ERCC3: variants seen among roughly 807,000 people sequenced by gnomAD.
The protein encoded by ERCC3 is general transcription and DNA repair factor IIH helicase/translocase subunit XPB.
ERCC3 carries 66 observed loss-of-function variants against 94.2 expected under a neutral mutation model. The observed-to-expected ratio is 0.70, with a 90% CI of 0.57 to 0.86. The LOEUF (loss-of-function observed/expected upper bound fraction) is 0.86, where lower values mean the gene tolerates loss of function less well. Among genes scored for constraint, ERCC3 ranks in the 40% least tolerant of loss-of-function variants. The probability of loss-of-function intolerance (pLI) is 0.00; values close to 1 mark genes in which losing one functional copy is unlikely to be tolerated. For missense variants in ERCC3, 829 were observed against 987.1 expected (o/e 0.84, Z 2.15); for synonymous variants, 349 against 369.1 (o/e 0.95, Z 0.63).
At chr2:127,273,555 G>A (rs1471579438) in intron 10 of ERCC3, among the ~76,000 whole-genome samples, 1 of 151,764 alleles carries the variant, frequency 6.6e-6, no homozygotes, top group Non-Finnish European at 1.5e-5. Flanking sequence ...TTCACGACCA[G>A]CCTGACCAAC....
chr2:127,278,116 T>C (rs575296148), intron 10 of ERCC3, among the ~76,000 whole-genome samples: 5 of 152,018 alleles, frequency 3.3e-5, no homozygotes, highest in East Asian at 3.9e-4. Flanking sequence ...TGCGTGCCTG[T>C]AGACCCAGCT....
chr2:127,276,023 C>T (rs75884256), intron 10 of ERCC3, among the ~76,000 whole-genome samples: 2 of 152,204 alleles, frequency 1.3e-5, no homozygotes, highest in East Asian at 3.9e-4. Flanking sequence ...CAGTTGGGTC[C>T]GGCCGGCAGC....
intron 12 of ERCC3, among the ~76,000 whole-genome samples, chr2:127,268,440 T>C (rs1684450392): frequency 6.6e-6 from 1 of 151,978 alleles, no homozygotes; most frequent in Non-Finnish European, 1.5e-5. Flanking sequence ...TTGTTGTATT[T>C]TTTGTAGGAA....
intron 3 of ERCC3, 169 bp from the exon 4 acceptor site, chr2:127,290,442 T>C (rs1326615457): frequency 4.4e-6 from 3 of 686,360 alleles, no homozygotes; most frequent in South Asian, 1.6e-5. Flanking sequence ...GCTTTTTCCA[T>C]TGGCCTCTGC....
chr2:127,286,634 T>A, intron 8 of ERCC3, 69 bp downstream of exon 8: 6 of 1,498,180 alleles, frequency 4.0e-6, no homozygotes, highest in Non-Finnish European at 5.6e-6. Context: ...GCAGTCCCTT[T>A]CCCAACCTAA....
intron 10 of ERCC3, 79 bp from the exon 11 acceptor site, chr2:127,273,040 C>T (rs1684612564): frequency 1.1e-6 from 1 of 881,224 alleles, no homozygotes; most frequent in Non-Finnish European, 1.9e-6. Flanking sequence ...GAAAAAGGAG[C>T]TCAGGCTAGC....
In ERCC3 at chr2:127,271,217, C is replaced by T. The variant is rs1684538237; in HGVS notation, c.1945+119G>A. ...ATCTAGGTCTTTGCTTTGGGATTCT[C>T]TCCCTCCAGAGTCTATTTAGCCCCA... On this transcript the variant is annotated intron_variant, in intron 12 of 14. Transcript: ENST00000285398. This position sits in a 1 kb window ranked among gnomAD's most constrained non-coding sequence, Gnocchi z 5.0. The T allele has an allele frequency of 1.3e-6, 1 of 788,150 alleles. No homozygotes were observed. 48.8% of individuals were successfully genotyped at this position (788,150 alleles called of 1,614,324 possible). A position where few individuals can be genotyped will look rare whatever the true frequency, so the allele number is the denominator to read the frequency against.
chr2:127,272,729 C>G, intron 11 of ERCC3, 136 bp downstream of exon 11: 1 of 689,378 alleles, frequency 1.5e-6, no homozygotes, highest in Non-Finnish European at 2.7e-6. Flanking sequence ...CCCCCTATCC[C>G]TGGACATGTC....
chr2:127,269,791 G>T (rs952007624), intron 12 of ERCC3, among the ~76,000 whole-genome samples: 7 of 151,552 alleles, frequency 4.6e-5, no homozygotes, highest in Admixed American at 2.0e-4. Context: ...AGCACTTTGG[G>T]AGGCCAAGGT....
chr2:127,264,732 T>G lies in ERCC3; in HGVS notation c.1946-3386A>C, dbSNP rs1215061504. Among the ~76,000 whole-genome samples the G allele has an allele frequency of 6.6e-6, 1 of 152,224 alleles. No individual in the cohort carries two copies. The highest frequency in any genetic ancestry group is 1.5e-5 in the Non-Finnish European group (1 of 68,036). On this transcript the variant is annotated intron_variant, in intron 12 of 14. Coordinates refer to ENST00000285398, the MANE Select transcript of ERCC3 (RefSeq NM_000122.2). This position sits in a 1 kb window ranked among gnomAD's most constrained non-coding sequence, Gnocchi z 4.4. ...ATCGTGTCTTTGCCAGATTTTGGTA[T>G]CAGGATGATAGTGGTTTCGTAGTAT... is the stretch of plus-strand genomic sequence containing the variant.
At chr2:127,281,605 GAAAT>G (rs1481756691) in intron 8 of ERCC3, among the ~76,000 whole-genome samples, 1 of 152,036 alleles carries the variant, frequency 6.6e-6, no homozygotes, top group Non-Finnish European at 1.5e-5. Flanking sequence ...TGATATTTCA[GAAAT>G]AAATAGACAC....
intron 3 of ERCC3, chr2:127,292,307 T>C (rs560465591): frequency 1.3e-5 from 6 of 474,886 alleles, no homozygotes; most frequent in East Asian, 8.2e-5. Flanking sequence ...CTGGCTACAA[T>C]GGGCCTGAAT....
In ERCC3 at chr2:127,288,693, G is replaced by T; in HGVS notation, c.994C>A (p.Arg332Ser). ...KSLRKMFGNG[R>S]ARSGVIVLPC... Reference sequence around the variant, plus strand: ...AGAACAATGACCCCCGAACGTGCACGCCCGTTTCCAAACATCTTTCGCAAG... The same window carrying T: ...AGAACAATGACCCCCGAACGTGCACTCCCGTTTCCAAACATCTTTCGCAAG... Residue 332 changes from arginine to serine, a missense_variant, in exon 7 of 15, where the codon CGT becomes AGT. Transcript: ENST00000285398. 6.2e-7 allele frequency: 1 copy of T among 1,614,104 alleles called. No homozygotes were observed. The highest frequency in any genetic ancestry group is 8.5e-7 in the Non-Finnish European group (1 of 1,180,000).
In ERCC3 at chr2:127,284,678, T is replaced by C. The variant is rs1218884654; in HGVS notation, c.1342+2025A>G. On this transcript the variant is annotated intron_variant, in intron 8 of 14. Coordinates refer to ENST00000285398, the MANE Select transcript of ERCC3 (RefSeq NM_000122.2). This position sits in a 1 kb window ranked among gnomAD's most constrained non-coding sequence, Gnocchi z 4.1. ...AGACTCCTTAATTTACCCTAATCTG[T>C]TCATCTTTATTTTTTTTTTTTGAGA... Among the ~76,000 whole-genome samples, 3 of 151,098 alleles carry C rather than the reference T, an allele frequency of 2.0e-5. No individual in the cohort carries two copies. The highest frequency in any genetic ancestry group is 7.4e-5 in the African/African-American group (3 of 40,622).
At position 127,257,930 on chromosome 2, in the gene ERCC3, T is replaced by A. The variant is rs952433227; in HGVS notation, c.2218-203A>T. On this transcript the variant is annotated intron_variant, in intron 14 of 14. Coordinates refer to ENST00000285398, the MANE Select transcript of ERCC3 (RefSeq NM_000122.2). This position sits in a 1 kb window ranked among gnomAD's most constrained non-coding sequence, Gnocchi z 5.4. ...TCTCCTCTAATCCTCAAAACTACTATAATCCACACCTGAAAGAAGAGGAAA... is the reference window on the plus strand; with the variant it reads ...TCTCCTCTAATCCTCAAAACTACTAAAATCCACACCTGAAAGAAGAGGAAA... Among the ~76,000 whole-genome samples, 2 of 152,154 alleles carry A rather than the reference T, an allele frequency of 1.3e-5. No homozygotes were observed. The highest frequency in any genetic ancestry group is 2.9e-5 in the Non-Finnish European group (2 of 68,044).
chr2:127,265,084 T>G (rs1299496707), intron 12 of ERCC3, among the ~76,000 whole-genome samples: 1 of 151,968 alleles, frequency 6.6e-6, no homozygotes, highest in Non-Finnish European at 1.5e-5. Context: ...TGACCTCAGG[T>G]GATCCACCTG....
intron 6 of ERCC3, 105 bp downstream of exon 6, chr2:127,289,232 G>T: frequency 2.0e-6 from 2 of 997,392 alleles, no homozygotes; most frequent in East Asian, 2.4e-5. Flanking sequence ...GGACCAACAG[G>T]GACTCCTTCC....
At chr2:127,261,027 C>G in intron 13 of ERCC3, 1 of 599,002 alleles carries the variant, frequency 1.7e-6, no homozygotes, top group Non-Finnish European at 3.0e-6. Context: ...GCCATGGCAC[C>G]TCAGTCCTGC....
chr2:127,261,187 G>A, intron 13 of ERCC3, 41 bp downstream of exon 13: 4 of 1,155,974 alleles, frequency 3.5e-6, no homozygotes, highest in South Asian at 1.2e-5. Flanking sequence ...TATCAAGAAG[G>A]CCTTGGTCCT....
Sources: allele counts gnomAD v4.1 joint callset (sites outside exome capture counted in the v4.1 genomes callset), GRCh38; gene constraint gnomAD v4.1.1; non-coding constraint Gnocchi (gnomAD v3.1); transcripts MANE v1.5; gene names NCBI Gene and HGNC (gene_info 2026-07-23, HGNC 2026-07-21).